MIR2052HG: variants seen among roughly 807,000 people sequenced by gnomAD.
The protein encoded by MIR2052HG is MIR2052 host gene.
At chr8:74,694,083 C>T (rs933178389) in intron 2 of MIR2052HG, among the ~76,000 whole-genome samples, 8 of 152,300 alleles carry the variant, frequency 5.3e-5, no homozygotes, top group African/African-American at 1.7e-4. Context: ...AAAACTATAA[C>T]CAAGGACCCT....
At chr8:74,671,802 T>A (rs1199978697) in intron 2 of MIR2052HG, among the ~76,000 whole-genome samples, 1 of 152,130 alleles carries the variant, frequency 6.6e-6, no homozygotes, top group Non-Finnish European at 1.5e-5. Context: ...ATCTGCTCAC[T>A]AAGGTTGAAT....
intron 2 of MIR2052HG, among the ~76,000 whole-genome samples, chr8:74,628,076 T>C (rs1413381242): frequency 3.3e-5 from 5 of 152,166 alleles, no homozygotes; most frequent in Non-Finnish European, 5.9e-5. Flanking sequence ...CTGCTTCCTG[T>C]CATTGTTAAC....
At chr8:74,629,167 T>G (rs1808476171) in intron 2 of MIR2052HG, among the ~76,000 whole-genome samples, 1 of 152,158 alleles carries the variant, frequency 6.6e-6, no homozygotes, top group South Asian at 2.1e-4. Flanking sequence ...TTTAACAAGT[T>G]TAAGTTTTTG....
intron 2 of MIR2052HG, among the ~76,000 whole-genome samples, chr8:74,695,400 A>G (rs912087102): frequency 1.3e-5 from 2 of 152,108 alleles, no homozygotes; most frequent in African/African-American, 4.8e-5. Context: ...CAAAAACACA[A>G]TGAAAACCAA....
intron 4 of MIR2052HG, among the ~76,000 whole-genome samples, chr8:74,737,992 A>T (rs966859485): frequency 4.6e-5 from 7 of 152,078 alleles, no homozygotes; most frequent in Middle Eastern, 3.2e-3. Context: ...GTATGTATGT[A>T]TGTATGTATG....
intron 2 of MIR2052HG, among the ~76,000 whole-genome samples, chr8:74,697,795 C>A (rs2128740501): frequency 6.6e-6 from 1 of 152,116 alleles, no homozygotes; most frequent in East Asian, 1.9e-4. Flanking sequence ...TATACCTAAT[C>A]AAGGAGGTGA....
chr8:74,628,588 C>CTGAT (rs2128733775), intron 2 of MIR2052HG, among the ~76,000 whole-genome samples: 1 of 152,246 alleles, frequency 6.6e-6, no homozygotes, highest in African/African-American at 2.4e-5. Context: ...AGGGCGACTT[C>CTGAT]TGATTAGTCT....
At chr8:74,603,733 G>A (rs1302414187) in intron 1 of MIR2052HG, 5 of 870,182 alleles carry the variant, frequency 5.7e-6, no homozygotes, top group Admixed American at 3.4e-5. Flanking sequence ...CACGCCCTTC[G>A]GGGGGGACTC....
At position 74,739,208 on chromosome 8, in the gene MIR2052HG, T is replaced by C. The variant is rs114890199; in HGVS notation, n.372-13233T>C. On this transcript the variant is annotated intron_variant and non_coding_transcript_variant, in intron 4 of 6. Transcript: ENST00000523442. The stretch of plus-strand genomic sequence containing the variant: ...CATGAGATGTTTCCTTGTTTCTGTG[T>C]GGTTCTTGTGTTTAATAAAATGGTG... Among the ~76,000 whole-genome samples, 1,013 of 152,346 alleles carry C rather than the reference T, an allele frequency of 6.6e-3. 15 individuals are homozygous for C. Among genetic ancestry groups the C allele is most frequent in the African/African-American group, 0.023 (940 of 41,576 alleles).
chr8:74,702,265 C>G, intron 2 of MIR2052HG: 1 of 198,106 alleles, frequency 5.0e-6, no homozygotes, highest in South Asian at 6.3e-5. Flanking sequence ...CATGTGAAAG[C>G]GATTTTGATT....
intron 2 of MIR2052HG, among the ~76,000 whole-genome samples, chr8:74,615,691 A>T (rs1417150295): frequency 6.6e-6 from 1 of 151,642 alleles, no homozygotes; most frequent in East Asian, 1.9e-4. Flanking sequence ...TACATGTGCC[A>T]TGTTGGTGTG....
At chr8:74,703,304 G>A (rs1809376037) in intron 3 of MIR2052HG, among the ~76,000 whole-genome samples, 1 of 151,972 alleles carries the variant, frequency 6.6e-6, no homozygotes, top group Non-Finnish European at 1.5e-5. Context: ...ATAGACTTAA[G>A]GAAGGATGCA....
intron 2 of MIR2052HG, among the ~76,000 whole-genome samples, chr8:74,672,359 G>C (rs1809002620): frequency 6.6e-6 from 1 of 152,018 alleles, no homozygotes. Flanking sequence ...TGTTGCCCTG[G>C]TGAATCATAG....
intron 4 of MIR2052HG, among the ~76,000 whole-genome samples, chr8:74,710,177 G>A (rs188164483): frequency 6.6e-6 from 1 of 152,074 alleles, no homozygotes; most frequent in East Asian, 1.9e-4. Flanking sequence ...AAATCCTCTG[G>A]TTCCTTTGGG....
intron 2 of MIR2052HG, among the ~76,000 whole-genome samples, chr8:74,645,124 T>C (rs902889663): frequency 1.3e-5 from 2 of 152,050 alleles, no homozygotes; most frequent in African/African-American, 4.8e-5. Context: ...TAAGAAGAAA[T>C]GTACTATGGG....
chr8:74,628,154 C>G (rs1808461041), intron 2 of MIR2052HG, among the ~76,000 whole-genome samples: 2 of 152,072 alleles, frequency 1.3e-5, no homozygotes, highest in African/African-American at 4.8e-5. Context: ...GAACAGATAC[C>G]TATTACAAAA....
At chr8:74,673,910 T>TATATATATATATATATATATATACACAC (rs1485340799) in intron 2 of MIR2052HG, among the ~76,000 whole-genome samples, 25 of 133,218 alleles carry the variant, frequency 1.9e-4, no homozygotes, top group African/African-American at 7.8e-4. Flanking sequence ...TATATATATA[T>TATATATATATATATATATATATACACAC]ACACACACAA....
At chr8:74,734,344 C>T (rs1809725409) in intron 4 of MIR2052HG, among the ~76,000 whole-genome samples, 11 of 152,296 alleles carry the variant, frequency 7.2e-5, no homozygotes, top group Admixed American at 7.2e-4. Context: ...AGTTTTGACA[C>T]TATACACATA....
chr8:74,745,966 A>G (rs151254501), intron 4 of MIR2052HG, among the ~76,000 whole-genome samples: 228 of 152,300 alleles, frequency 1.5e-3, no homozygotes, highest in African/African-American at 5.3e-3. Flanking sequence ...CCTACAGATG[A>G]GAAAAGTGAG....
Sources: allele counts gnomAD v4.1 joint callset (sites outside exome capture counted in the v4.1 genomes callset), GRCh38; gene constraint gnomAD v4.1.1; transcripts MANE v1.5; gene names NCBI Gene and HGNC (gene_info 2026-07-23, HGNC 2026-07-21).